ZSWIM6: variants seen among roughly 807,000 people sequenced by gnomAD.
ZSWIM6 encodes zinc finger SWIM-type containing 6.
In ZSWIM6, 9 loss-of-function variants were observed where a neutral mutation model predicts 113.2. That is an observed-to-expected ratio of 0.08 (90% CI 0.05 to 0.14). The LOEUF (loss-of-function observed/expected upper bound fraction) is 0.14. Ranked by LOEUF, ZSWIM6 falls within the 10% of genes least tolerant of loss-of-function variation. The pLI is 1.00. For missense variants in ZSWIM6, 1,162 were observed against 1,552.2 expected (o/e 0.75, Z 4.22); for synonymous variants, 611 against 606.5 (o/e 1.01, Z -0.11).
chr5:61,485,613 T>A (rs77658472), intron 2 of ZSWIM6, among the ~76,000 whole-genome samples: 7 of 152,290 alleles, frequency 4.6e-5, no homozygotes, highest in Non-Finnish European at 8.8e-5. Flanking sequence ...GTGCTTCACA[T>A]ATCCACTTAC....
chr5:61,410,761 T>G (rs1746135980), intron 1 of ZSWIM6, among the ~76,000 whole-genome samples: 1 of 152,240 alleles, frequency 6.6e-6, no homozygotes, highest in Non-Finnish European at 1.5e-5. Flanking sequence ...TAAGGTCATT[T>G]CATTTAATAC....
At chr5:61,385,878 C>G (rs1745583561) in intron 1 of ZSWIM6, among the ~76,000 whole-genome samples, 2 of 152,134 alleles carry the variant, frequency 1.3e-5, no homozygotes, top group African/African-American at 2.4e-5. Flanking sequence ...GGATTCGACT[C>G]ATGGCCAGCT....
chr5:61,437,718 A>C (rs1193619827), intron 1 of ZSWIM6, among the ~76,000 whole-genome samples: 3 of 121,318 alleles, frequency 2.5e-5, no homozygotes, highest in African/African-American at 8.7e-5. Flanking sequence ...CCCTTTCTCC[A>C]AAAAAAAAAA....
At chr5:61,386,897 C>T (rs972236699) in intron 1 of ZSWIM6, among the ~76,000 whole-genome samples, 45 of 152,258 alleles carry the variant, frequency 3.0e-4, no homozygotes, top group African/African-American at 1.1e-3. Flanking sequence ...ATTTTTGAGG[C>T]TCTTTATCCA....
chr5:61,466,934 C>A (rs1219184643), intron 1 of ZSWIM6, among the ~76,000 whole-genome samples: 2 of 152,126 alleles, frequency 1.3e-5, no homozygotes, highest in Non-Finnish European at 2.9e-5. Flanking sequence ...TTTCTAGAAA[C>A]CTTAATCTTT....
chr5:61,512,558 T>C (rs1748818449), intron 4 of ZSWIM6, among the ~76,000 whole-genome samples: 1 of 152,180 alleles, frequency 6.6e-6, no homozygotes, highest in South Asian at 2.1e-4. Context: ...TGCCAGAGTC[T>C]GTGCCATTGT....
At chr5:61,535,948 A>C (rs939453416) in intron 10 of ZSWIM6, among the ~76,000 whole-genome samples, 2 of 152,334 alleles carry the variant, frequency 1.3e-5, no homozygotes, top group Non-Finnish European at 2.9e-5. Flanking sequence ...GTTTTGAAAA[A>C]ATTGATTTTT....
At chr5:61,508,619 C>T (rs1330966393) in intron 4 of ZSWIM6, among the ~76,000 whole-genome samples, 2 of 152,166 alleles carry the variant, frequency 1.3e-5, no homozygotes, top group African/African-American at 4.8e-5. Context: ...TTCTTTACTA[C>T]TGTCTCATGA....
intron 1 of ZSWIM6, among the ~76,000 whole-genome samples, chr5:61,432,402 G>T (rs953081718): frequency 2.0e-5 from 3 of 152,230 alleles, no homozygotes; most frequent in Non-Finnish European, 2.9e-5. Flanking sequence ...GTGAGGCATT[G>T]TTACATAGCT....
chr5:61,463,630 C>T (rs898526766), intron 1 of ZSWIM6, among the ~76,000 whole-genome samples: 8 of 152,198 alleles, frequency 5.3e-5, no homozygotes, highest in South Asian at 2.1e-4. Flanking sequence ...GGAGTACCTC[C>T]TCCAAGATAG....
intron 1 of ZSWIM6, among the ~76,000 whole-genome samples, chr5:61,337,312 G>C (rs1004205585): frequency 3.9e-5 from 6 of 151,952 alleles, no homozygotes; most frequent in African/African-American, 1.5e-4. Flanking sequence ...AAAAAAACGA[G>C]ATGCAAATAA....
At chr5:61,370,179 AAAAGTTTC>A (rs1265443806) in intron 1 of ZSWIM6, among the ~76,000 whole-genome samples, 2 of 152,234 alleles carry the variant, frequency 1.3e-5, no homozygotes, top group African/African-American at 4.8e-5. Flanking sequence ...TGATTTTTGA[AAAAGTTTC>A]AAAGAACACT....
chr5:61,495,341 C>T (rs982908768), intron 4 of ZSWIM6, among the ~76,000 whole-genome samples: 4 of 151,968 alleles, frequency 2.6e-5, no homozygotes, highest in Non-Finnish European at 4.4e-5. Context: ...AAACAAGTCC[C>T]GAGAGGTTAG....
chr5:61,521,423 G>A lies in ZSWIM6; in HGVS notation c.1494G>A (p.Gln498=). 7 of 1,480,582 alleles carry A rather than the reference G, an allele frequency of 4.7e-6. No individual in the cohort carries two copies. Among genetic ancestry groups the A allele is most frequent in the Non-Finnish European group, 6.3e-6 (7 of 1,110,354 alleles). 91.7% of individuals were successfully genotyped at this position (1,480,582 alleles called of 1,614,324 possible). ...ELPNLTNALP[Q]GANANQDSSN... Reference sequence around the variant, plus strand: ...CCAACTTAACCAATGCTCTGCCTCAGGGTGCAAATGCCAACCAAGGTGAGT... The same window carrying A: ...CCAACTTAACCAATGCTCTGCCTCAAGGTGCAAATGCCAACCAAGGTGAGT... The change falls in exon 5 of 14, where the codon CAG becomes CAA. Residue 498 remains glutamine, a synonymous_variant. Coordinates refer to ENST00000252744, the MANE Select transcript of ZSWIM6 (RefSeq NM_020928.2).
chr5:61,525,760 A>G, intron 5 of ZSWIM6, 40 bp from the exon 6 acceptor site: 1 of 1,549,100 alleles, frequency 6.5e-7, no homozygotes, highest in East Asian at 2.4e-5. Context: ...TCACATGTGA[A>G]TAATAGCTGA....
intron 2 of ZSWIM6, among the ~76,000 whole-genome samples, chr5:61,477,918 A>G (rs553215267): frequency 2.6e-4 from 40 of 152,272 alleles, no homozygotes; most frequent in African/African-American, 9.1e-4. Flanking sequence ...TTCTTTAAGG[A>G]CATGTACACT....
At chr5:61,349,032 G>T (rs1297194262) in intron 1 of ZSWIM6, among the ~76,000 whole-genome samples, 1 of 152,128 alleles carries the variant, frequency 6.6e-6, no homozygotes, top group African/African-American at 2.4e-5. Context: ...TCCTTTGTAG[G>T]ATTGTAGATT....
chr5:61,412,950 A>G (rs977052635), intron 1 of ZSWIM6, among the ~76,000 whole-genome samples: 39 of 147,514 alleles, frequency 2.6e-4, no homozygotes, highest in Admixed American at 2.2e-3. Flanking sequence ...AACTTGCAGT[A>G]TAATGGAAAT....
At position 61,332,718 on chromosome 5, in the gene ZSWIM6, G is replaced by C; in HGVS notation, c.446G>C (p.Gly149Ala). 1 of 958,096 alleles carries C rather than the reference G, an allele frequency of 1.0e-6. No homozygotes were observed. Among genetic ancestry groups the C allele is most frequent in the Non-Finnish European group, 1.2e-6 (1 of 811,622 alleles). The allele number at this position is 958,096 out of a possible 1,614,324, so 59.3% of individuals were successfully genotyped here. The part of the protein sequence containing the change: ...DDSGGGGGAG[G>A]GGGGGSSSSP... ...AGCGGTGGCGGCGGCGGCGCGGGCG[G>C]CGGCGGCGGCGGCGGCTCCTCGTCT... The change falls in exon 1 of 14, where the codon GGC (glycine) becomes GCC (alanine). Residue 149 changes from glycine (G) to alanine (A), a missense_variant. Transcript: ENST00000252744.
Sources: gnomAD v4.1 joint callset for allele counts (sites outside exome capture counted in the v4.1 genomes callset) on GRCh38, gnomAD v4.1.1 for gene constraint, MANE v1.5 for transcripts, NCBI Gene and HGNC (gene_info 2026-07-23, HGNC 2026-07-21) for gene names.